Variants in ARHGAP45 observed in about 807,000 individuals in gnomAD.
The protein encoded by ARHGAP45 is Rho GTPase activating protein 45, also known as rho GTPase-activating protein 45.
ARHGAP45 carries 56 observed loss-of-function variants against 116.1 expected under a neutral mutation model. The observed-to-expected ratio is 0.48, with a 90% CI of 0.39 to 0.60. The LOEUF is 0.60. Among genes scored for constraint, ARHGAP45 ranks in the 20% least tolerant of loss-of-function variants. The pLI is 0.00. For synonymous variants in ARHGAP45, 866 were observed against 701.7 expected (o/e 1.23, Z -3.70); for missense variants, 1,622 against 1,601.0 (o/e 1.01, Z -0.22).
Position 1,080,045 on chromosome 19 carries a change from G to A in ARHGAP45, c.1630G>A (p.Val544Met), listed in dbSNP as rs2043384002. 2 of 1,612,792 alleles carry A rather than the reference G, an allele frequency of 1.2e-6. No homozygotes were observed. Among genetic ancestry groups the A allele is most frequent in the Non-Finnish European group, 1.7e-6 (2 of 1,179,908 alleles). ...CCCAGGCCAGCAGTACGCCTCCCAC[G>A]TGCGCCAGCTGCAGCGGGACCAGGA... The part of the protein sequence containing the change: ...YDPGQQYASH[V>M]RQLQRDQEPD... Residue 544 changes from valine to methionine, a missense_variant, in exon 13 of 23, where the codon GTG becomes ATG. Coordinates refer to ENST00000313093, the MANE Select transcript of ARHGAP45 (RefSeq NM_012292.5).
intron 11 of ARHGAP45, among the ~76,000 whole-genome samples, chr19:1,079,117 T>C (rs968599164): frequency 9.9e-5 from 15 of 150,908 alleles, no homozygotes; most frequent in Non-Finnish European, 2.1e-4. Flanking sequence ...GAGGTGGAGC[T>C]TGCAGTGAGC....
chr19:1,077,638 G>T (rs962307040), intron 10 of ARHGAP45: 3 of 1,417,778 alleles, frequency 2.1e-6, no homozygotes, highest in African/African-American at 2.9e-5. Context: ...CACCTGCCTC[G>T]GCCTCCCAAA....
Position 1,071,130 on chromosome 19 carries a change from G to A in ARHGAP45, c.422-2019G>A, listed in dbSNP as rs2145016617. On this transcript the variant is annotated intron_variant, in intron 2 of 22. Coordinates refer to ENST00000313093, the MANE Select transcript of ARHGAP45 (RefSeq NM_012292.5). The surrounding 1 kb of genome is among the most constrained non-coding windows in gnomAD (Gnocchi z 4.6). ...CCCACCTCGAAGCTCTGCGGTTAAG[G>A]AAGGACCCAGGCTGGGGCGAACGGG... The A allele has an allele frequency of 8.9e-6, 11 of 1,240,210 alleles. No homozygotes were observed. The highest frequency in any genetic ancestry group is 6.3e-4 in the Middle Eastern group (2 of 3,184). The allele number at this position is 1,240,210 out of a possible 1,614,324, so 76.8% of individuals were successfully genotyped here. A position where few individuals can be genotyped will look rare whatever the true frequency, so the allele number is the denominator to read the frequency against.
intron 10 of ARHGAP45, chr19:1,077,327 G>A: frequency 6.1e-6 from 6 of 985,170 alleles, no homozygotes; most frequent in Non-Finnish European, 6.0e-6. Context: ...TGGGCACACA[G>A]GACACCCATT....
rs868621478 is a variant in ARHGAP45, at chr19:1,086,258, C to T, written c.*252C>T. On this transcript the variant is annotated 3_prime_UTR_variant, in exon 23 of 23. Transcript: ENST00000313093. Reference sequence around the variant, plus strand: ...CAGCTGAGCTGGGGAACACTGCTGTCGTGTGAAGTCACAGTGGCCTTGTTG... The same window carrying T: ...CAGCTGAGCTGGGGAACACTGCTGTTGTGTGAAGTCACAGTGGCCTTGTTG... 101 of 495,468 alleles carry T rather than the reference C, an allele frequency of 2.0e-4. No homozygotes were observed. The Middle Eastern group carries it at 2.7e-3, about 13-fold the overall frequency. The allele number at this position is 495,468 out of a possible 1,614,324, so 30.7% of individuals were successfully genotyped here. A position where few individuals can be genotyped will look rare whatever the true frequency, so the allele number is the denominator to read the frequency against.
chr19:1,084,309 C>T lies in ARHGAP45; in HGVS notation c.3027C>T (p.Val1009=), dbSNP rs138451031. 6.2e-7 allele frequency: 1 copy of T among 1,611,804 alleles called. No individual in the cohort carries two copies. The highest frequency in any genetic ancestry group is 8.5e-7 in the Non-Finnish European group (1 of 1,179,060). Residue 1009 remains valine (V), a synonymous_variant, in exon 22 of 23, where the codon GTC becomes GTT. Coordinates refer to ENST00000313093, the MANE Select transcript of ARHGAP45 (RefSeq NM_012292.5). The part of the protein sequence containing the change: ...VPYLEAGEAV[V]YPLQEAAADG... ...ACCTGGAGGCGGGCGAGGCGGTGGTCTACCCGCTGCAGGAGGCGGCGGCGG... is the reference window on the plus strand; with the variant it reads ...ACCTGGAGGCGGGCGAGGCGGTGGTTTACCCGCTGCAGGAGGCGGCGGCGG...
rs71174343 is a variant in ARHGAP45, at chr19:1,076,483, C to CTTTTTTTTTTT, written c.1186-1354_1186-1344dup. Among the ~76,000 whole-genome samples, 28 of 64,980 alleles carry CTTTTTTTTTTT rather than the reference C, an allele frequency of 4.3e-4. 4 individuals carry two copies. The highest frequency in any genetic ancestry group is 1.6e-3 in the African/African-American group (27 of 16,964). 42.6% of individuals were successfully genotyped at this position (64,980 alleles called of 152,430 possible). On this transcript the variant is annotated intron_variant, in intron 10 of 22. Transcript: ENST00000313093. ...GAAACCTGTGATTGTTGGCAGTAGT[C>CTTTTTTTTTTT]TTTTTTTTTTTTTTTTTTTTTTTTT...
Position 1,074,210 on chromosome 19 carries a change from C to A in ARHGAP45, c.897C>A (p.Leu299=). ...AKNMAKYMKD[L]ISYLEKRTTL... ...ACATGGCCAAGTACATGAAGGACCT[C>A]ATCAGCTACCTGGAGAAGCGGACGA... is the stretch of plus-strand genomic sequence containing the variant. The change falls in exon 7 of 23, where the codon CTC becomes CTA. Residue 299 remains leucine, a synonymous_variant. Coordinates refer to ENST00000313093, the MANE Select transcript of ARHGAP45 (RefSeq NM_012292.5). 6.2e-7 allele frequency: 1 copy of A among 1,613,428 alleles called. No individual in the cohort carries two copies. The highest frequency in any genetic ancestry group is 8.5e-7 in the Non-Finnish European group (1 of 1,180,014).
chr19:1,068,440 C>T lies in ARHGAP45; in HGVS notation c.117C>T (p.Asp39=), dbSNP rs773044892. The T allele has an allele frequency of 1.2e-5, 19 of 1,576,140 alleles. No individual in the cohort carries two copies. Among genetic ancestry groups the T allele is most frequent in the Middle Eastern group, 1.8e-4 (1 of 5,472 alleles). The change falls in exon 2 of 23, where the codon GAC becomes GAT. Residue 39 remains aspartate (D), a synonymous_variant. Transcript: ENST00000313093. This position sits in a 1 kb window ranked among gnomAD's most constrained non-coding sequence, Gnocchi z 7.5. ...AGCTGCCCAGGAAGGATGGGGCTGA[C>T]GCGGTGTTCCCCGGACCAAGCCTGG... The part of the protein sequence containing the change: ...SGELPRKDGA[D]AVFPGPSLEP...
chr19:1,082,715 G>A, intron 19 of ARHGAP45, 125 bp from the exon 20 acceptor site: 2 of 830,938 alleles, frequency 2.4e-6, no homozygotes, highest in Non-Finnish European at 3.6e-6. Context: ...GCTCTGGGTG[G>A]AACCCGAGCT....
At chr19:1,076,182 T>C (rs907514481) in intron 10 of ARHGAP45, among the ~76,000 whole-genome samples, 3 of 152,134 alleles carry the variant, frequency 2.0e-5, no homozygotes, top group Non-Finnish European at 4.4e-5. Flanking sequence ...GTGCCCAAAA[T>C]AGAACTGCTG....
Position 1,083,069 on chromosome 19 carries a change from G to A in ARHGAP45, c.2744+3G>A, listed in dbSNP as rs576435605. On this transcript the variant is annotated splice_donor_region_variant and intron_variant, in intron 20 of 22. Transcript: ENST00000313093. ...TACCTGCTGCGTCACCTACGCAGGT[G>A]AGTCCCGGCATATGGAGTGGAGGGC... The A allele has an allele frequency of 7.1e-6, 11 of 1,552,536 alleles. No homozygotes were observed. In the East Asian group the frequency reaches 2.4e-4, roughly 34 times the overall value.
chr19:1,080,551 AG>A lies in ARHGAP45; in HGVS notation c.1912+7del, dbSNP rs769556667. 28 of 1,612,598 alleles carry A rather than the reference AG, an allele frequency of 1.7e-5. No individual in the cohort carries two copies. In the African/African-American group the frequency reaches 3.5e-4, roughly 20 times the overall value. ...CTGGACCCCGGCCCTGGCGCAGGTG[AG>A]GGAGGCTCTCTGGCGGGCTGGGGTG... On this transcript the variant is annotated splice_donor_5th_base_variant and intron_variant, in intron 15 of 22. Coordinates refer to ENST00000313093, the MANE Select transcript of ARHGAP45 (RefSeq NM_012292.5).
chr19:1,067,616 A>G, intron 1 of ARHGAP45, 121 bp downstream of exon 1: 3 of 956,524 alleles, frequency 3.1e-6, no homozygotes, highest in Non-Finnish European at 4.9e-6. Context: ...TACAGCCCCT[A>G]CCGGGCGGGA....
chr19:1,084,235 C>A lies in ARHGAP45; in HGVS notation c.2956-3C>A, dbSNP rs770903131. 6.2e-7 allele frequency: 1 copy of A among 1,613,216 alleles called. No homozygotes were observed. Among genetic ancestry groups the A allele is most frequent in the Non-Finnish European group, 8.5e-7 (1 of 1,179,612 alleles). ...CTCTATGACTTCCGTTCTGCACTTG[C>A]AGGACGAGTCATCCAACCAGCGAGC... On this transcript the variant is annotated splice_polypyrimidine_tract_variant and splice_region_variant and intron_variant, in intron 21 of 22. Transcript: ENST00000313093.
chr19:1,082,013 C>A (rs911507054), intron 19 of ARHGAP45, 52 bp downstream of exon 19: 6 of 1,564,626 alleles, frequency 3.8e-6, no homozygotes, highest in African/African-American at 2.8e-5. Context: ...CGTAGCCAGG[C>A]AGGAGGAGGC....
In ARHGAP45 at chr19:1,080,991, G is replaced by A. The variant is rs770192992; in HGVS notation, c.2117G>A (p.Arg706Gln). The change falls in exon 17 of 23, where the codon CGG (arginine) becomes CAG (glutamine). Residue 706 changes from arginine (R) to glutamine (Q), a missense_variant. By Grantham distance (43) the Arg-to-Gln change is conservative. This residue lies in a region of ARHGAP45 where 1,334 missense variants were observed against 1,263.8 expected (regional missense o/e 1.06). Transcript: ENST00000313093. Reference protein sequence around the residue: ...LSKAARTHRLRKLRTPAKCRE... With the variant: ...LSKAARTHRLQKLRTPAKCRE... Reference sequence around the variant, plus strand: ...AAGGCGGCCCGTACTCACCGGCTCCGGAAGCTCCGCACGCCCGCCAAGTGC... The same window carrying A: ...AAGGCGGCCCGTACTCACCGGCTCCAGAAGCTCCGCACGCCCGCCAAGTGC... 2 of 1,607,778 alleles carry A rather than the reference G, an allele frequency of 1.2e-6. No individual in the cohort carries two copies. Among genetic ancestry groups the A allele is most frequent in the Non-Finnish European group, 1.7e-6 (2 of 1,177,972 alleles).
chr19:1,065,991 C>G, upstream of ARHGAP45: 1 of 1,529,374 alleles, frequency 6.5e-7, no homozygotes, highest in Non-Finnish European at 8.7e-7. Context: ...CGACATCCAG[C>G]TGACCCTCAC....
At chr19:1,072,499 C>T (rs1043794086) in intron 2 of ARHGAP45, among the ~76,000 whole-genome samples, 1 of 152,240 alleles carries the variant, frequency 6.6e-6, no homozygotes, top group Non-Finnish European at 1.5e-5. Context: ...AACCCGTCCT[C>T]CTGCCTCAGC....
Sources: gnomAD v4.1 joint callset for allele counts (sites outside exome capture counted in the v4.1 genomes callset) on GRCh38, gnomAD v4.1.1 for gene constraint, gnomAD v4.1.1 regional missense constraint, Gnocchi (gnomAD v3.1) non-coding constraint, MANE v1.5 for transcripts, NCBI Gene and HGNC (gene_info 2026-07-23, HGNC 2026-07-21) for gene names.